SNCAIP: variants seen among roughly 807,000 people sequenced by gnomAD.
SNCAIP encodes synphilin-1.
SNCAIP carries 43 observed loss-of-function variants against 86.7 expected under a neutral mutation model. The ratio of observed to expected loss-of-function variants is 0.50; its 90% confidence interval spans 0.39 to 0.64. The LOEUF (loss-of-function observed/expected upper bound fraction) is 0.64, where lower values mean the gene tolerates loss of function less well. Among genes scored for constraint, SNCAIP ranks in the 30% least tolerant of loss-of-function variants. The probability of loss-of-function intolerance (pLI) is 0.00; values close to 1 mark genes in which losing one functional copy is unlikely to be tolerated. For synonymous variants in SNCAIP, 417 were observed against 427.2 expected, an observed-to-expected ratio of 0.98 and a Z score of 0.29; for missense variants, 981 against 1,103.1, an observed-to-expected ratio of 0.89 and a Z score of 1.57.
intron 1 of SNCAIP, among the ~76,000 whole-genome samples, chr5:122,382,879 TGAG>T (rs1244867430): frequency 2.6e-5 from 4 of 152,220 alleles, no homozygotes; most frequent in African/African-American, 4.8e-5. Flanking sequence ...GGGACCCACT[TGAG>T]GAGGCAGTCT....
rs1392826821 is a variant in SNCAIP, at chr5:122,410,869, G to A, written c.130+7004G>A. Among the ~76,000 whole-genome samples the A allele has an allele frequency of 3.3e-5, 5 of 152,306 alleles. No homozygotes were observed. The East Asian group carries it at 7.7e-4, about 24-fold the overall frequency. On this transcript the variant is annotated intron_variant, in intron 3 of 10. Coordinates refer to ENST00000261368, the MANE Select transcript of SNCAIP (RefSeq NM_005460.4). ...AAAATAATTAAAAGGGCTGAAGGTA[G>A]CAGAGCTTAAACACATCGCATCTTT...
intron 3 of SNCAIP, among the ~76,000 whole-genome samples, chr5:122,412,801 C>T (rs560923231): frequency 1.3e-5 from 2 of 152,340 alleles, no homozygotes; most frequent in East Asian, 3.9e-4. Flanking sequence ...TCCTCAGACT[C>T]TCTCCTCAGT....
Position 122,450,524 on chromosome 5 carries a change from T to A in SNCAIP, c.1686-9T>A. The A allele has an allele frequency of 6.2e-7, 1 of 1,600,498 alleles. No individual in the cohort carries two copies. Among genetic ancestry groups the A allele is most frequent in the Non-Finnish European group, 8.6e-7 (1 of 1,167,612 alleles). On this transcript the variant is annotated splice_polypyrimidine_tract_variant and intron_variant, in intron 9 of 10. Transcript: ENST00000261368. ...AAATCATCTCATATGTCCTTCATCT[T>A]CTTTTTAGTTCACCATCCTCACCTG...
chr5:122,358,203 G>GTGTGTGTGTGTATA (rs1221236719), intron 1 of SNCAIP, among the ~76,000 whole-genome samples: 1 of 130,336 alleles, frequency 7.7e-6, no homozygotes. Flanking sequence ...GTGTGTGTGT[G>GTGTGTGTGTGTATA]TATATATATA....
At position 122,440,629 on chromosome 5, in the gene SNCAIP, G is replaced by C; in HGVS notation, c.1297G>C (p.Glu433Gln). 6.2e-7 allele frequency: 1 copy of C among 1,613,554 alleles called. No homozygotes were observed. The highest frequency in any genetic ancestry group is 8.5e-7 in the Non-Finnish European group (1 of 1,179,542). ...ATTCCAACTGTCTTTGTGTTTATAG[G>C]AAAAGATTCTTCTGTGGCTTCTTCA... Reference protein sequence around the residue: ...LIHYAGCYGQEKILLWLLQFM... With the variant: ...LIHYAGCYGQQKILLWLLQFM... The change falls in exon 7 of 11, where the codon GAA becomes CAA. Residue 433 changes from glutamate (E) to glutamine (Q), a missense_variant and splice_region_variant. Physicochemically the swap from Glu to Gln is conservative, Grantham distance 29 (BLOSUM62 2). Coordinates refer to ENST00000261368, the MANE Select transcript of SNCAIP (RefSeq NM_005460.4).
At chr5:122,400,164 C>T (rs1052596053) in intron 2 of SNCAIP, among the ~76,000 whole-genome samples, 1 of 151,948 alleles carries the variant, frequency 6.6e-6, no homozygotes, top group Non-Finnish European at 1.5e-5. Flanking sequence ...TGGCAACCAC[C>T]GAGAATTTGT....
intron 1 of SNCAIP, among the ~76,000 whole-genome samples, chr5:122,382,274 C>T (rs1463968078): frequency 1.3e-5 from 2 of 152,140 alleles, no homozygotes; most frequent in African/African-American, 2.4e-5. Flanking sequence ...CTTCCCTTCT[C>T]ACTTCATTTC....
chr5:122,316,890 T>G (rs1030517534), intron 1 of SNCAIP, among the ~76,000 whole-genome samples: 4 of 152,180 alleles, frequency 2.6e-5, no homozygotes, highest in Non-Finnish European at 4.4e-5. Flanking sequence ...ACACAATTAG[T>G]CTGAACAGCA....
chr5:122,434,222 A>G (rs1219019458), intron 6 of SNCAIP, among the ~76,000 whole-genome samples: 1 of 152,220 alleles, frequency 6.6e-6, no homozygotes, highest in Non-Finnish European at 1.5e-5. Context: ...TTAAAGCCTA[A>G]AAAGGAATTT....
rs180886394 is a variant in SNCAIP at position 122,461,095 on chromosome 5, A to G, written c.2755-2396A>G. ...TTTTTGAGACCCTGACAGTCTGAAAATATCTTCAATTTACCAGATTGAGTG... is the reference window on the plus strand; with the variant it reads ...TTTTTGAGACCCTGACAGTCTGAAAGTATCTTCAATTTACCAGATTGAGTG... On this transcript the variant is annotated intron_variant, in intron 10 of 10. Transcript: ENST00000261368. Among the ~76,000 whole-genome samples, 300 of 152,318 alleles carry G rather than the reference A, an allele frequency of 2.0e-3. 1 individual carries two copies. Among genetic ancestry groups the G allele is most frequent in the African/African-American group, 6.2e-3 (256 of 41,572 alleles).
chr5:122,342,758 T>C (rs959492763), intron 1 of SNCAIP, among the ~76,000 whole-genome samples: 2 of 152,220 alleles, frequency 1.3e-5, no homozygotes. Flanking sequence ...TCTGCCTCAC[T>C]CACCAGTATG....
intron 6 of SNCAIP, among the ~76,000 whole-genome samples, chr5:122,434,756 C>T (rs1208981490): frequency 6.6e-6 from 1 of 152,102 alleles, no homozygotes; most frequent in African/African-American, 2.4e-5. Context: ...AACAGATAAC[C>T]TGTGGAGATG....
intron 1 of SNCAIP, among the ~76,000 whole-genome samples, chr5:122,339,695 A>G (rs1444663008): frequency 6.6e-6 from 1 of 152,192 alleles, no homozygotes; most frequent in Admixed American, 6.5e-5. Context: ...ATGCTTTTAT[A>G]ACATTTTTAA....
intron 3 of SNCAIP, among the ~76,000 whole-genome samples, chr5:122,414,566 G>A (rs1774898486): frequency 6.6e-6 from 1 of 152,138 alleles, no homozygotes; most frequent in Non-Finnish European, 1.5e-5. Flanking sequence ...CACACAGAAG[G>A]TTCCTAGTAA....
At position 122,365,788 on chromosome 5, in the gene SNCAIP, G is replaced by A. The variant is rs141215414; in HGVS notation, c.-46-25301G>A. On this transcript the variant is annotated intron_variant, in intron 1 of 10. Coordinates refer to ENST00000261368, the MANE Select transcript of SNCAIP (RefSeq NM_005460.4). ...GTGTGTCTATGCCAAACTCTGTGCT[G>A]AGCACTGTGGGTTATGGTGAACAAG... 2.6e-5 allele frequency among the ~76,000 whole-genome samples: 4 copies of A among 152,294 alleles called. No individual in the cohort carries two copies. The East Asian group carries it at 5.8e-4, about 22-fold the overall frequency.
At chr5:122,434,486 T>C (rs1260456622) in intron 6 of SNCAIP, among the ~76,000 whole-genome samples, 1 of 152,172 alleles carries the variant, frequency 6.6e-6, no homozygotes, top group South Asian at 2.1e-4. Flanking sequence ...CAGTGTGACT[T>C]ACTTGGTGGG....
At chr5:122,380,022 C>T (rs1012979237) in intron 1 of SNCAIP, among the ~76,000 whole-genome samples, 77 of 151,538 alleles carry the variant, frequency 5.1e-4, no homozygotes, top group African/African-American at 1.8e-3. Context: ...GTGTCTCTGC[C>T]CGGCTTTGGT....
At chr5:122,331,315 A>G (rs779790183) in intron 1 of SNCAIP, among the ~76,000 whole-genome samples, 9 of 152,250 alleles carry the variant, frequency 5.9e-5, no homozygotes, top group African/African-American at 9.6e-5. Context: ...ATGTTCATTA[A>G]GCAGTCCCTT....
At position 122,423,021 on chromosome 5, in the gene SNCAIP, A is replaced by G; in HGVS notation, c.284A>G (p.Asp95Gly). Residue 95 changes from aspartate to glycine, a missense_variant, in exon 4 of 11, where the codon GAT (aspartate) becomes GGT (glycine). Coordinates refer to ENST00000261368, the MANE Select transcript of SNCAIP (RefSeq NM_005460.4). ...GAGACTCTGGAGAACAATGAAAGTG[A>G]TGACCAAAAGAACCAGAAAGTGGTT... ...QPETLENNES[D>G]DQKNQKVVEY... 6.2e-7 allele frequency: 1 copy of G among 1,614,140 alleles called. No individual in the cohort carries two copies. The highest frequency in any genetic ancestry group is 8.5e-7 in the Non-Finnish European group (1 of 1,180,018).
Sources: allele counts gnomAD v4.1 joint callset (sites outside exome capture counted in the v4.1 genomes callset), GRCh38; gene constraint gnomAD v4.1.1; transcripts MANE v1.5; gene names NCBI Gene and HGNC (gene_info 2026-07-23, HGNC 2026-07-21).